NKAIN2: variants seen among roughly 807,000 people sequenced by gnomAD.
NKAIN2 encodes the protein sodium/potassium transporting ATPase interacting 2.
NKAIN2 carries 14 observed loss-of-function variants against 32.6 expected under a neutral mutation model. That is an observed-to-expected ratio of 0.43 (90% CI 0.28 to 0.67). The LOEUF is 0.67. Among genes scored for constraint, NKAIN2 ranks in the 30% least tolerant of loss-of-function variants. The pLI is 0.17. For missense variants in NKAIN2, 198 were observed against 258.3 expected (o/e 0.77, Z 1.60); for synonymous variants, 80 against 87.2 (o/e 0.92, Z 0.46).
intron 1 of NKAIN2, among the ~76,000 whole-genome samples, chr6:124,179,101 T>C (rs184696834): frequency 1.3e-5 from 2 of 152,284 alleles, no homozygotes; most frequent in South Asian, 2.1e-4. Context: ...ATAAAGATAA[T>C]CAAGGAATTT....
chr6:123,859,082 C>A (rs746535182), intron 1 of NKAIN2, among the ~76,000 whole-genome samples: 8 of 152,138 alleles, frequency 5.3e-5, no homozygotes, highest in Non-Finnish European at 1.0e-4. Flanking sequence ...TACCACACAG[C>A]ATATGACTGC....
At chr6:124,673,296 G>A (rs933557028) in intron 4 of NKAIN2, among the ~76,000 whole-genome samples, 1 of 152,040 alleles carries the variant, frequency 6.6e-6, no homozygotes, top group Non-Finnish European at 1.5e-5. Flanking sequence ...CCTGTCAGCA[G>A]ATATTTAGGT....
At chr6:124,251,116 A>G (rs999343176) in intron 1 of NKAIN2, among the ~76,000 whole-genome samples, 1 of 152,068 alleles carries the variant, frequency 6.6e-6, no homozygotes, top group Non-Finnish European at 1.5e-5. Context: ...GAGAACTAGA[A>G]AACATAAAAT....
intron 1 of NKAIN2, among the ~76,000 whole-genome samples, chr6:124,057,640 T>A (rs1782721084): frequency 6.6e-6 from 1 of 151,304 alleles, no homozygotes; most frequent in South Asian, 2.1e-4. Context: ...CCCTCCTCTT[T>A]TTTTTTTTTT....
intron 2 of NKAIN2, among the ~76,000 whole-genome samples, chr6:124,288,024 A>G (rs1436794687): frequency 2.0e-5 from 3 of 152,028 alleles, no homozygotes; most frequent in Non-Finnish European, 4.4e-5. Context: ...AGAAAAAAAA[A>G]GTTTCAAAAT....
intron 4 of NKAIN2, among the ~76,000 whole-genome samples, chr6:124,744,105 G>A (rs1204722002): frequency 6.6e-6 from 1 of 151,706 alleles, no homozygotes; most frequent in Non-Finnish European, 1.5e-5. Context: ...TTTAGGGATG[G>A]CTTGGAAACA....
intron 4 of NKAIN2, among the ~76,000 whole-genome samples, chr6:124,768,173 G>A (rs956375403): frequency 2.6e-5 from 4 of 152,094 alleles, no homozygotes; most frequent in African/African-American, 9.7e-5. Context: ...TTTGATTCAA[G>A]GAGATGTCTT....
At position 123,965,745 on chromosome 6, in the gene NKAIN2, C is replaced by T. The variant is rs78250093; in HGVS notation, c.54+161491C>T. On this transcript the variant is annotated intron_variant, in intron 1 of 6. Transcript: ENST00000368417. Reference sequence around the variant, plus strand: ...CAGATTTCAAATGCCACTTTATCCACGATTAATTTCCTCTTTTCTCCAATC... The same window carrying T: ...CAGATTTCAAATGCCACTTTATCCATGATTAATTTCCTCTTTTCTCCAATC... 3.5e-4 allele frequency among the ~76,000 whole-genome samples: 53 copies of T among 152,284 alleles called. No individual in the cohort carries two copies. In the East Asian group the frequency reaches 4.6e-3, roughly 13 times the overall value.
At chr6:124,518,435 T>C (rs914436012) in intron 3 of NKAIN2, among the ~76,000 whole-genome samples, 2 of 152,040 alleles carry the variant, frequency 1.3e-5, no homozygotes, top group African/African-American at 4.8e-5. Flanking sequence ...TGGCTTAGGG[T>C]TCTGTAGGCT....
chr6:124,229,533 TAGACAGACAGACAGACAGAC>T (rs71021483), intron 1 of NKAIN2, among the ~76,000 whole-genome samples: 1 of 149,066 alleles, frequency 6.7e-6, no homozygotes, highest in Non-Finnish European at 1.5e-5. Context: ...GATAGATAGA[TAGACAGACAGACAGACAGAC>T]AGACAGACAG....
chr6:124,002,766 A>C (rs1014305595), intron 1 of NKAIN2, among the ~76,000 whole-genome samples: 1 of 152,194 alleles, frequency 6.6e-6, no homozygotes, highest in African/African-American at 2.4e-5. Flanking sequence ...TTTAGTGAGA[A>C]AGAGCTGACA....
rs146500192 is a variant in NKAIN2, at chr6:124,436,067, A to T, written c.273+80720A>T. Among the ~76,000 whole-genome samples, 843 of 152,314 alleles carry T rather than the reference A, an allele frequency of 5.5e-3. 6 individuals carry two copies. Among genetic ancestry groups the T allele is most frequent in the African/African-American group, 0.019 (808 of 41,584 alleles). On this transcript the variant is annotated intron_variant, in intron 3 of 6. Transcript: ENST00000368417. Reference sequence around the variant, plus strand: ...ATTAAATGATAGACAGTAAACCAGCAGGTTTTAAGTTTTAATCCACGTATC... The same window carrying T: ...ATTAAATGATAGACAGTAAACCAGCTGGTTTTAAGTTTTAATCCACGTATC...
chr6:124,361,576 T>C (rs1336204098), intron 3 of NKAIN2, among the ~76,000 whole-genome samples: 12 of 152,050 alleles, frequency 7.9e-5, no homozygotes, highest in Admixed American at 7.9e-4. Context: ...TAATGTTTGT[T>C]TCAGAATGAA....
intron 1 of NKAIN2, among the ~76,000 whole-genome samples, chr6:124,235,151 G>A (rs533254433): frequency 1.8e-4 from 28 of 152,202 alleles, no homozygotes; most frequent in Non-Finnish European, 3.2e-4. Context: ...AGCTTATGGA[G>A]GTTTACAGAT....
Position 124,069,083 on chromosome 6 carries a change from C to G in NKAIN2, c.55-213922C>G, listed in dbSNP as rs72974590. Among the ~76,000 whole-genome samples the G allele has an allele frequency of 9.3e-3, 1,423 of 152,208 alleles. 8 individuals carry two copies. The highest frequency in any genetic ancestry group is 0.016 in the Non-Finnish European group (1,082 of 67,998). Reference sequence around the variant, plus strand: ...ACAGGGATCACTACATTTTGAAAACCTCTTTGGTTATCTGTTCATTCCAGG... The same window carrying G: ...ACAGGGATCACTACATTTTGAAAACGTCTTTGGTTATCTGTTCATTCCAGG... On this transcript the variant is annotated intron_variant, in intron 1 of 6. Transcript: ENST00000368417.
intron 5 of NKAIN2, 82 bp from the exon 6 acceptor site, chr6:124,818,305 G>T (rs866385448): frequency 3.0e-5 from 18 of 608,912 alleles, no homozygotes; most frequent in Non-Finnish European, 4.7e-5. Context: ...CTAATAAAAG[G>T]TTTATTAGTA....
chr6:124,672,520 T>C (rs1377083118), intron 4 of NKAIN2, among the ~76,000 whole-genome samples: 1 of 152,094 alleles, frequency 6.6e-6, no homozygotes, highest in Non-Finnish European at 1.5e-5. Context: ...AAGAGAAATA[T>C]CTTTCATTCC....
chr6:124,121,873 T>C, intron 1 of NKAIN2: 1 of 1,193,266 alleles, frequency 8.4e-7, no homozygotes, highest in Non-Finnish European at 1.1e-6. Context: ...CTGGTATATT[T>C]ACAGGTACTG....
intron 4 of NKAIN2, among the ~76,000 whole-genome samples, chr6:124,712,796 A>T (rs910921243): frequency 2.0e-5 from 3 of 151,878 alleles, no homozygotes; most frequent in Non-Finnish European, 2.9e-5. Context: ...TGTAGACCGG[A>T]GCTGTTCCTA....
Sources: gnomAD v4.1 joint callset for allele counts (sites outside exome capture counted in the v4.1 genomes callset) on GRCh38, gnomAD v4.1.1 for gene constraint, MANE v1.5 for transcripts, NCBI Gene and HGNC (gene_info 2026-07-23, HGNC 2026-07-21) for gene names.